The following PRKG1 variants were observed in gnomAD, a reference collection of about 807,000 sequenced individuals.
The protein encoded by PRKG1 is cGMP-dependent protein kinase 1.
In PRKG1, 35 loss-of-function variants were observed where a neutral mutation model predicts 88.1. The ratio of observed to expected loss-of-function variants is 0.40; its 90% CI spans 0.30 to 0.53. The LOEUF is 0.53. Among genes scored for constraint, PRKG1 ranks in the 20% least tolerant of loss-of-function variants. PRKG1 has a pLI of 0.59. For synonymous variants in PRKG1, 303 were observed against 292.5 expected, an observed-to-expected ratio of 1.04 and a Z score of -0.37; for missense variants, 540 against 839.8, an observed-to-expected ratio of 0.64 and a Z score of 4.41.
intron 5 of PRKG1, among the ~76,000 whole-genome samples, chr10:51,993,950 T>C (rs1226485570): frequency 6.6e-6 from 1 of 152,188 alleles, no homozygotes; most frequent in Non-Finnish European, 1.5e-5. Flanking sequence ...GAGGGTCTCC[T>C]TCCTTCCTTC....
intron 7 of PRKG1, among the ~76,000 whole-genome samples, chr10:52,124,685 T>G (rs1847891878): frequency 6.6e-6 from 1 of 152,160 alleles, no homozygotes; most frequent in Non-Finnish European, 1.5e-5. Context: ...CTTTATAAAC[T>G]TTTTAATTTC....
chr10:51,723,265 C>G (rs10999090), intron 3 of PRKG1, among the ~76,000 whole-genome samples: 67,250 of 152,018 alleles, frequency 0.44, 15,491 homozygotes, highest in Middle Eastern at 0.57. Context: ...AAATGTGGCA[C>G]ATATACACCA....
At chr10:51,803,988 T>A (rs1233859797) in intron 3 of PRKG1, among the ~76,000 whole-genome samples, 1 of 152,132 alleles carries the variant, frequency 6.6e-6, no homozygotes, top group Non-Finnish European at 1.5e-5. Flanking sequence ...TAGTGGTGCA[T>A]AAGAGAATAA....
intron 3 of PRKG1, among the ~76,000 whole-genome samples, chr10:51,597,934 A>G (rs952785629): frequency 2.0e-5 from 3 of 152,176 alleles, no homozygotes; most frequent in African/African-American, 7.2e-5. Flanking sequence ...AGTTAGAGAA[A>G]CAGTAAGATA....
chr10:51,201,765 C>T (rs1263667743), intron 2 of PRKG1, among the ~76,000 whole-genome samples: 1 of 152,136 alleles, frequency 6.6e-6, no homozygotes, highest in Non-Finnish European at 1.5e-5. Flanking sequence ...GGGTCTGCAA[C>T]CTGCAAGAGT....
At chr10:51,588,558 G>T (rs7895971) in intron 3 of PRKG1, among the ~76,000 whole-genome samples, 11,223 of 152,126 alleles carry the variant, frequency 0.074, 1,381 homozygotes, top group African/African-American at 0.25. Context: ...TGGACTTTGC[G>T]ATTTTTAACA....
At chr10:51,158,253 G>T (rs555335831) in intron 2 of PRKG1, among the ~76,000 whole-genome samples, 24 of 151,844 alleles carry the variant, frequency 1.6e-4, no homozygotes, top group African/African-American at 4.6e-4. Context: ...TTATCTACAT[G>T]TTAATAAATG....
intron 3 of PRKG1, among the ~76,000 whole-genome samples, chr10:51,744,950 A>T (rs952327054): frequency 6.6e-6 from 1 of 152,288 alleles, no homozygotes; most frequent in Non-Finnish European, 1.5e-5. Context: ...TATTTTTTCA[A>T]CGCCTGGTTG....
At chr10:51,068,501 A>C (rs1037967841) in intron 1 of PRKG1, 1 of 152,026 alleles carries the variant, frequency 6.6e-6, no homozygotes, top group Admixed American at 6.6e-5. Context: ...ATTTTTAAAG[A>C]GTTTGCTAGC....
intron 3 of PRKG1, among the ~76,000 whole-genome samples, chr10:51,751,384 C>T (rs575561483): frequency 1.8e-4 from 28 of 152,120 alleles, no homozygotes; most frequent in African/African-American, 6.0e-4. Context: ...ATTAAAGGCA[C>T]GCACCATCTA....
intron 8 of PRKG1, among the ~76,000 whole-genome samples, chr10:52,155,011 A>T (rs909252161): frequency 2.0e-5 from 3 of 152,100 alleles, no homozygotes; most frequent in Non-Finnish European, 4.4e-5. Flanking sequence ...TGGTGTATAT[A>T]TACCACATTT....
At chr10:51,443,294 A>C (rs1249156293) in intron 2 of PRKG1, among the ~76,000 whole-genome samples, 2 of 149,692 alleles carry the variant, frequency 1.3e-5, no homozygotes, top group Non-Finnish European at 2.9e-5. Flanking sequence ...CTGCTTTCAC[A>C]ATACAGTGGC....
chr10:51,214,339 C>G (rs1164844789), intron 2 of PRKG1, among the ~76,000 whole-genome samples: 1 of 152,200 alleles, frequency 6.6e-6, no homozygotes, highest in African/African-American at 2.4e-5. Context: ...TGTCCCCTGA[C>G]ATTTCTGTAG....
At chr10:52,000,614 G>C (rs551236202) in intron 5 of PRKG1, among the ~76,000 whole-genome samples, 15 of 152,144 alleles carry the variant, frequency 9.9e-5, no homozygotes, top group Admixed American at 2.6e-4. Context: ...AGAGATCTTA[G>C]AAGGACTGGA....
At chr10:51,757,893 G>A (rs892310647) in intron 3 of PRKG1, among the ~76,000 whole-genome samples, 1 of 152,080 alleles carries the variant, frequency 6.6e-6, no homozygotes, top group African/African-American at 2.4e-5. Flanking sequence ...TATAAAAAGT[G>A]TCAGTCTCTT....
In PRKG1 at chr10:52,284,489, G is replaced by A. The variant is rs116575496; in HGVS notation, c.1709+2173G>A. Among the ~76,000 whole-genome samples the A allele has an allele frequency of 3.5e-3, 535 of 150,722 alleles. 3 individuals are homozygous for A. The highest frequency in any genetic ancestry group is 0.012 in the African/African-American group (512 of 41,008). On this transcript the variant is annotated intron_variant, in intron 14 of 17. Transcript: ENST00000373980. ...GATGATGGTGGTGGTAAGAGACGGT[G>A]GCCAGGGGTGGGGGTGGGAGAAGGC...
chr10:51,823,866 C>CTTTT (rs5784887), intron 4 of PRKG1, among the ~76,000 whole-genome samples: 6 of 78,734 alleles, frequency 7.6e-5, no homozygotes, highest in Admixed American at 4.9e-4. Context: ...TTTCTCTCTC[C>CTTTT]TTTTTTTTTT....
At chr10:52,285,580 G>A (rs888224964) in intron 14 of PRKG1, among the ~76,000 whole-genome samples, 18 of 152,042 alleles carry the variant, frequency 1.2e-4, no homozygotes, top group African/African-American at 4.1e-4. Context: ...TTGAGCTGAT[G>A]TTTTCCATTT....
At chr10:51,004,665 C>G (rs1251213745) in intron 1 of PRKG1, among the ~76,000 whole-genome samples, 6 of 151,428 alleles carry the variant, frequency 4.0e-5, no homozygotes, top group Non-Finnish European at 8.8e-5. Context: ...GTTTACATGC[C>G]CTTTTACTTT....
Sources: gnomAD v4.1 joint callset for allele counts (sites outside exome capture counted in the v4.1 genomes callset) on GRCh38, gnomAD v4.1.1 for gene constraint, MANE v1.5 for transcripts, NCBI Gene and HGNC (gene_info 2026-07-23, HGNC 2026-07-21) for gene names.